Variants in NEDD4L observed in about 807,000 individuals in gnomAD.
The protein encoded by NEDD4L is NEDD4 like E3 ubiquitin protein ligase, also known as E3 ubiquitin-protein ligase NEDD4-like.
NEDD4L carries 54 observed loss-of-function variants against 148.9 expected under a neutral mutation model. The ratio of observed to expected loss-of-function variants is 0.36; its 90% CI spans 0.29 to 0.45. The LOEUF (loss-of-function observed/expected upper bound fraction) is 0.45. NEDD4L is among the 20% of genes least tolerant of loss of function. The pLI is 1.00. For missense variants in NEDD4L, 856 were observed against 1,233.8 expected (o/e 0.69, Z 4.59); for synonymous variants, 433 against 440.7 (o/e 0.98, Z 0.22).
At chr18:58,292,603 T>C (rs983638143) in intron 5 of NEDD4L, among the ~76,000 whole-genome samples, 8 of 152,246 alleles carry the variant, frequency 5.3e-5, no homozygotes, top group Non-Finnish European at 1.2e-4. Flanking sequence ...CTTGTATTTA[T>C]AGATGGTTCT....
chr18:58,160,140 G>A (rs1039471035), intron 1 of NEDD4L, among the ~76,000 whole-genome samples: 4 of 152,206 alleles, frequency 2.6e-5, no homozygotes. Context: ...TTTACTACAA[G>A]AACACTGTTG....
At chr18:58,225,730 G>A (rs1028467502) in intron 2 of NEDD4L, among the ~76,000 whole-genome samples, 2 of 152,156 alleles carry the variant, frequency 1.3e-5, no homozygotes, top group African/African-American at 4.8e-5. Context: ...CGGAGCCAGT[G>A]GCCTGCACAG....
chr18:58,109,269 A>G (rs2085266861), intron 1 of NEDD4L, among the ~76,000 whole-genome samples: 1 of 152,224 alleles, frequency 6.6e-6, no homozygotes, highest in African/African-American at 2.4e-5. Flanking sequence ...CAGGTATTGA[A>G]GAGGGCTACT....
intron 18 of NEDD4L, 117 bp downstream of exon 18, chr18:58,351,162 T>C (rs1164125507): frequency 1.3e-6 from 2 of 1,520,292 alleles, no homozygotes; most frequent in East Asian, 2.5e-5. Flanking sequence ...AGGTGTTATG[T>C]GGAGAAAATG....
intron 1 of NEDD4L, among the ~76,000 whole-genome samples, chr18:58,116,849 G>A (rs961591461): frequency 3.3e-5 from 5 of 152,240 alleles, no homozygotes; most frequent in African/African-American, 1.2e-4. Context: ...ATCTCCTTGT[G>A]AAGGATACAA....
intron 2 of NEDD4L, among the ~76,000 whole-genome samples, chr18:58,234,097 C>CTTTCTTTCTTTCTTTCTTTTCT (rs1483373337): frequency 3.6e-5 from 3 of 83,354 alleles, no homozygotes; most frequent in African/African-American, 1.2e-4. Context: ...TTCTTTCTTT[C>CTTTCTTTCTTTCTTTCTTTTCT]TTTCTTTTCT....
At chr18:58,153,702 C>T (rs1030700548) in intron 1 of NEDD4L, among the ~76,000 whole-genome samples, 10 of 151,502 alleles carry the variant, frequency 6.6e-5, no homozygotes, top group Admixed American at 2.0e-4. Context: ...GCTGGAGTGC[C>T]GTGGCGCAAT....
At position 58,364,340 on chromosome 18, in the gene NEDD4L, A is replaced by C; in HGVS notation, c.1833+7A>C. 1 of 1,537,854 alleles carries C rather than the reference A, an allele frequency of 6.5e-7. No individual in the cohort carries two copies. The highest frequency in any genetic ancestry group is 1.2e-5 in the South Asian group (1 of 82,158). ...GAAGAAATTAAAGAAACCTGTGAGT[A>C]ATCATGCCTTCCAAAAATGCTTTGT... is the stretch of plus-strand genomic sequence containing the variant. On this transcript the variant is annotated splice_region_variant and intron_variant, in intron 20 of 30. Coordinates refer to ENST00000400345, the MANE Select transcript of NEDD4L (RefSeq NM_001144967.3).
rs571617096 is a variant in NEDD4L at position 58,272,932 on chromosome 18, G to A, written c.297+20878G>A. On this transcript the variant is annotated intron_variant, in intron 5 of 30. Transcript: ENST00000400345. ...TATTTTCATGAATGTGCCAAAGGAG[G>A]CAAACAGGAAGCTGAGACAGGAAAT... 2.9e-4 allele frequency among the ~76,000 whole-genome samples: 44 copies of A among 152,318 alleles called. 1 individual carries two copies. Among genetic ancestry groups the A allele is most frequent in the East Asian group, 2.1e-3 (11 of 5,184 alleles).
At chr18:58,339,182 C>T (rs144309344) in intron 13 of NEDD4L, among the ~76,000 whole-genome samples, 15 of 152,134 alleles carry the variant, frequency 9.9e-5, no homozygotes, top group Middle Eastern at 3.4e-3. Flanking sequence ...ATCACCAGAA[C>T]GGCTGAAGGG....
chr18:58,149,148 T>C (rs2034410851), intron 1 of NEDD4L, among the ~76,000 whole-genome samples: 1 of 152,220 alleles, frequency 6.6e-6, no homozygotes, highest in Admixed American at 6.5e-5. Flanking sequence ...AGTGTACTTC[T>C]GAACATTTAC....
At chr18:58,390,806 G>C in intron 29 of NEDD4L, 64 bp downstream of exon 29, 3 of 1,213,988 alleles carry the variant, frequency 2.5e-6, no homozygotes, top group South Asian at 2.6e-5. Flanking sequence ...ATGAACTCTG[G>C]CCCAAGAACC....
At chr18:58,132,718 C>A (rs897473405) in intron 1 of NEDD4L, among the ~76,000 whole-genome samples, 28 of 152,210 alleles carry the variant, frequency 1.8e-4, no homozygotes, top group African/African-American at 6.3e-4. Context: ...GGCCTTGGAC[C>A]TGCTGAGGAC....
chr18:58,341,796 A>T lies in NEDD4L; in HGVS notation c.1376A>T (p.Glu459Val). ...ACAGTAACTTTATCTGCCCCGCTGG[A>T]GGTGAGACGGCTACCTCATCTAACT... Reference protein sequence around the residue: ...SPTVTLSAPLEGAKDSPVRRA... With the variant: ...SPTVTLSAPLVGAKDSPVRRA... Residue 459 changes from glutamate (E) to valine (V), a missense_variant and splice_region_variant, in exon 15 of 31, where the codon GAG (glutamate) becomes GTG (valine). By Grantham distance (121) the Glu-to-Val change is moderately radical (BLOSUM62 -2). Coordinates refer to ENST00000400345, the MANE Select transcript of NEDD4L (RefSeq NM_001144967.3). 1 of 1,612,264 alleles carries T rather than the reference A, an allele frequency of 6.2e-7. No individual in the cohort carries two copies. The highest frequency in any genetic ancestry group is 8.5e-7 in the Non-Finnish European group (1 of 1,179,228).
chr18:58,347,221 C>CCCCCCCCCCCCCCA (rs2043207718), intron 16 of NEDD4L, among the ~76,000 whole-genome samples: 2 of 94,322 alleles, frequency 2.1e-5, no homozygotes, highest in Non-Finnish European at 4.4e-5. Context: ...CCCGCCCCCC[C>CCCCCCCCCCCCCCA]CCCCCCTTTA....
chr18:58,342,848 T>G, intron 15 of NEDD4L, 58 bp from the exon 16 acceptor site: 5 of 1,377,742 alleles, frequency 3.6e-6, no homozygotes, highest in Non-Finnish European at 4.8e-6. Flanking sequence ...CCAGGTACAT[T>G]TTGGCACATT....
chr18:58,219,746 G>A (rs956817777), intron 2 of NEDD4L, among the ~76,000 whole-genome samples: 1 of 152,124 alleles, frequency 6.6e-6, no homozygotes, highest in Non-Finnish European at 1.5e-5. Flanking sequence ...TCTAAATACA[G>A]TCACCATCTG....
At chr18:58,355,081 A>G (rs1357149404) in intron 18 of NEDD4L, among the ~76,000 whole-genome samples, 1 of 152,138 alleles carries the variant, frequency 6.6e-6, no homozygotes, top group East Asian at 1.9e-4. Context: ...GGGAGCTCCC[A>G]GGGGATTTCC....
At chr18:58,200,855 G>C (rs2041314799) in intron 2 of NEDD4L, among the ~76,000 whole-genome samples, 1 of 152,234 alleles carries the variant, frequency 6.6e-6, no homozygotes, top group African/African-American at 2.4e-5. Flanking sequence ...AGTGAGGTCT[G>C]TACAGATGCT....
Sources: gnomAD v4.1 joint callset for allele counts (sites outside exome capture counted in the v4.1 genomes callset) on GRCh38, gnomAD v4.1.1 for gene constraint, MANE v1.5 for transcripts, NCBI Gene and HGNC (gene_info 2026-07-23, HGNC 2026-07-21) for gene names.